The following SASH1 variants were observed in gnomAD, a reference collection of about 807,000 sequenced individuals.
SASH1 encodes the protein SAM and SH3 domain containing 1.
SASH1 carries 44 observed loss-of-function variants against 125.2 expected under a neutral mutation model. That is an observed-to-expected ratio of 0.35 (90% CI 0.28 to 0.45). The LOEUF is 0.45. SASH1 is among the 20% of genes least tolerant of loss of function. The pLI is 1.00. For synonymous variants in SASH1, 639 were observed against 649.1 expected (o/e 0.98, Z 0.24); for missense variants, 1,426 against 1,614.5 (o/e 0.88, Z 2.00).
intron 12 of SASH1, among the ~76,000 whole-genome samples, chr6:148,530,117 T>TA (rs1781427135): frequency 1.3e-5 from 2 of 152,164 alleles, no homozygotes; most frequent in African/African-American, 2.4e-5. Flanking sequence ...TGTGTTTTTT[T>TA]AAAAAAACTT....
chr6:148,291,508 C>G (rs1362872580), intron 1 of SASH1, among the ~76,000 whole-genome samples: 1 of 152,084 alleles, frequency 6.6e-6, no homozygotes, highest in South Asian at 2.1e-4. Flanking sequence ...TGACGAAACT[C>G]TGTCTCTAAA....
At chr6:148,541,551 T>A (rs1411104254) in intron 17 of SASH1, among the ~76,000 whole-genome samples, 1 of 152,118 alleles carries the variant, frequency 6.6e-6, no homozygotes, top group Non-Finnish European at 1.5e-5. Context: ...TGTCTCTGTG[T>A]ACTACATGTT....
chr6:148,512,348 ATAGAG>A (rs1302240339), intron 8 of SASH1: 2 of 418,618 alleles, frequency 4.8e-6, no homozygotes, highest in Non-Finnish European at 6.4e-6. Flanking sequence ...GTTGATAGTT[ATAGAG>A]ACTTTCTATA....
chr6:148,285,327 T>C (rs1779454090), intron 1 of SASH1, among the ~76,000 whole-genome samples: 1 of 152,242 alleles, frequency 6.6e-6, no homozygotes, highest in Admixed American at 6.5e-5. Flanking sequence ...TCCAAAGTCC[T>C]GTTTGTTTCC....
the SASH1 span, among the ~76,000 whole-genome samples, chr6:148,215,497 C>A: frequency 6.6e-6 from 1 of 152,122 alleles, no homozygotes; most frequent in South Asian, 2.1e-4. Flanking sequence ...ACACTCTGGG[C>A]TTCTTCTGTT....
the SASH1 span, among the ~76,000 whole-genome samples, chr6:148,230,644 C>T: frequency 1.4e-4 from 21 of 152,238 alleles, 1 homozygote; most frequent in South Asian, 3.7e-3. Context: ...AAACAGGTTT[C>T]GAATTTTTCC....
At chr6:148,378,155 G>C (rs2114774021) in intron 1 of SASH1, among the ~76,000 whole-genome samples, 1 of 151,430 alleles carries the variant, frequency 6.6e-6, no homozygotes, top group East Asian at 2.0e-4. Flanking sequence ...AGGTTCAAGA[G>C]ATTCTCCTGC....
intron 4 of SASH1, among the ~76,000 whole-genome samples, chr6:148,457,876 AAGCCC>A (rs1777435260): frequency 6.6e-6 from 1 of 152,160 alleles, no homozygotes; most frequent in Non-Finnish European, 1.5e-5. Context: ...GCAAAGGGGG[AAGCCC>A]TTATAAAACC....
intron 1 of SASH1, among the ~76,000 whole-genome samples, chr6:148,331,033 C>G (rs1476063739): frequency 2.0e-5 from 3 of 152,086 alleles, no homozygotes; most frequent in African/African-American, 7.2e-5. Flanking sequence ...GTAGGAGAGG[C>G]TGTTCTCATC....
chr6:148,436,497 C>G (rs1776295458), intron 2 of SASH1, among the ~76,000 whole-genome samples: 1 of 145,654 alleles, frequency 6.9e-6, no homozygotes, highest in Non-Finnish European at 1.5e-5. Flanking sequence ...AGAATGAGAC[C>G]TTGTCTCAAA....
At position 148,533,093 on chromosome 6, in the gene SASH1, G is replaced by T. The variant is rs774471322; in HGVS notation, c.1734+127G>T. 5.9e-6 allele frequency: 6 copies of T among 1,016,770 alleles called. No individual in the cohort carries two copies. Among genetic ancestry groups the T allele is most frequent in the Non-Finnish European group, 8.8e-6 (6 of 682,950 alleles). The allele number at this position is 1,016,770 out of a possible 1,614,324, so 63.0% of individuals were successfully genotyped here. A position where few individuals can be genotyped will look rare whatever the true frequency, so the allele number is the denominator to read the frequency against. On this transcript the variant is annotated intron_variant, in intron 14 of 19. Coordinates refer to ENST00000367467, the MANE Select transcript of SASH1 (RefSeq NM_015278.5). The surrounding 1 kb of genome is among the most constrained non-coding windows in gnomAD (Gnocchi z 6.2). ...GACTGGACAGTATCTTGGCTACCTC[G>T]ATCACTGGTCTCCTCTGTAGTGAAA...
At chr6:148,454,943 A>G (rs1777267276) in intron 4 of SASH1, among the ~76,000 whole-genome samples, 1 of 152,234 alleles carries the variant, frequency 6.6e-6, no homozygotes, top group South Asian at 2.1e-4. Context: ...CTTTGCCCAA[A>G]TAAAACCTTA....
At chr6:148,514,294 G>A in intron 8 of SASH1, 30 bp from the exon 9 acceptor site, 1 of 1,581,248 alleles carries the variant, frequency 6.3e-7, no homozygotes. Context: ...GCAATTACCT[G>A]ATTAACTTTT....
intron 1 of SASH1, among the ~76,000 whole-genome samples, chr6:148,318,479 C>T (rs1318795673): frequency 6.6e-6 from 1 of 151,792 alleles, no homozygotes; most frequent in Non-Finnish European, 1.5e-5. Flanking sequence ...GAGCTCCTTA[C>T]TGTACTGCAA....
chr6:148,391,185 C>T (rs1783706980), intron 2 of SASH1, among the ~76,000 whole-genome samples: 1 of 151,642 alleles, frequency 6.6e-6, no homozygotes, highest in Non-Finnish European at 1.5e-5. Flanking sequence ...TCTGGGCTCA[C>T]CACAACTTCC....
intron 4 of SASH1, among the ~76,000 whole-genome samples, chr6:148,441,656 G>A (rs1392311612): frequency 6.6e-6 from 1 of 152,186 alleles, no homozygotes; most frequent in Non-Finnish European, 1.5e-5. Context: ...TATGTGCCAT[G>A]ATTCAGGCTG....
At chr6:148,484,589 A>T (rs1778763222) in intron 7 of SASH1, among the ~76,000 whole-genome samples, 1 of 152,104 alleles carries the variant, frequency 6.6e-6, no homozygotes, top group African/African-American at 2.4e-5. Context: ...CTTAAAAAAA[A>T]AATAGAGAGC....
At chr6:148,292,376 T>A (rs566148784) in intron 1 of SASH1, among the ~76,000 whole-genome samples, 10 of 152,224 alleles carry the variant, frequency 6.6e-5, no homozygotes, top group Non-Finnish European at 1.3e-4. Flanking sequence ...TCCCAGGCCC[T>A]ACCTGCTTTA....
rs759224088 is a variant in SASH1, at chr6:148,487,597, A to G, written c.628-17A>G. The stretch of plus-strand genomic sequence containing the variant: ...GGCCATTCTTTCCATTTCAGTATCC[A>G]TTTCTTCTTGTTACAGCTCAAGGAA... On this transcript the variant is annotated splice_polypyrimidine_tract_variant and intron_variant, in intron 7 of 19. Transcript: ENST00000367467. 1.3e-6 allele frequency: 2 copies of G among 1,598,824 alleles called. No homozygotes were observed. Among genetic ancestry groups the G allele is most frequent in the Non-Finnish European group, 1.7e-6 (2 of 1,167,980 alleles).
Sources: gnomAD v4.1 joint callset for allele counts (sites outside exome capture counted in the v4.1 genomes callset) on GRCh38, gnomAD v4.1.1 for gene constraint, Gnocchi (gnomAD v3.1) non-coding constraint, MANE v1.5 for transcripts, NCBI Gene and HGNC (gene_info 2026-07-23, HGNC 2026-07-21) for gene names.